SSBP3: variants seen among roughly 807,000 people sequenced by gnomAD.
SSBP3 encodes single stranded DNA binding protein 3.
SSBP3 carries 5 observed loss-of-function variants against 69.6 expected under a neutral mutation model. The ratio of observed to expected loss-of-function variants is 0.07; its 90% confidence interval spans 0.04 to 0.15. The LOEUF is 0.15. Among genes scored for constraint, SSBP3 ranks in the 10% least tolerant of loss-of-function variants. SSBP3 has a pLI of 1.00. For synonymous variants in SSBP3, 196 were observed against 193.4 expected (o/e 1.01, Z -0.11); for missense variants, 312 against 534.0 (o/e 0.58, Z 4.10).
At chr1:54,229,777 G>A (rs997346048) in intron 14 of SSBP3, among the ~76,000 whole-genome samples, 2 of 152,154 alleles carry the variant, frequency 1.3e-5, no homozygotes, top group African/African-American at 4.8e-5. Context: ...TGGAATGGAG[G>A]GCTGTTTGGC....
At chr1:54,363,073 G>A (rs1433920851) in intron 4 of SSBP3, among the ~76,000 whole-genome samples, 1 of 152,096 alleles carries the variant, frequency 6.6e-6, no homozygotes, top group Non-Finnish European at 1.5e-5. Context: ...TGGATAGAAT[G>A]CTGTCTAGAG....
Position 54,405,943 on chromosome 1 carries a change from T to C in SSBP3, c.56+10A>G, listed in dbSNP as rs1266993329. 28 of 1,299,880 alleles carry C rather than the reference T, an allele frequency of 2.2e-5. No individual in the cohort carries two copies. The highest frequency in any genetic ancestry group is 3.4e-5 in the African/African-American group (2 of 59,658). 80.5% of individuals were successfully genotyped at this position (1,299,880 alleles called of 1,614,324 possible). Reference sequence around the variant, plus strand: ...GGCGGCGCGGCCGCCACTTGCAAAATAGGGCTTACTTTTCCCGAGCCTGCC... The same window carrying C: ...GGCGGCGCGGCCGCCACTTGCAAAACAGGGCTTACTTTTCCCGAGCCTGCC... On this transcript the variant is annotated intron_variant, in intron 1 of 17. Transcript: ENST00000610401.
chr1:54,290,367 G>A (rs541994442), intron 4 of SSBP3, among the ~76,000 whole-genome samples: 14 of 152,304 alleles, frequency 9.2e-5, no homozygotes, highest in South Asian at 2.1e-4. Flanking sequence ...AGCAACCGGC[G>A]GCCCAGAGCC....
In SSBP3 at chr1:54,365,349, C is replaced by CGTGT. The variant is rs151153722; in HGVS notation, c.276+36508_276+36511dup. On this transcript the variant is annotated intron_variant, in intron 4 of 17. Transcript: ENST00000610401. ...ACCTGGTTCCCTGAAGAAAGGTGTG[C>CGTGT]GTGTGTGTGTGTGTGTTGGAAGGCT... Among the ~76,000 whole-genome samples, 821 of 151,282 alleles carry CGTGT rather than the reference C, an allele frequency of 5.4e-3. 9 individuals are homozygous for CGTGT. Among genetic ancestry groups the CGTGT allele is most frequent in the African/African-American group, 0.019 (786 of 41,294 alleles).
chr1:54,408,658 T>C (rs149024993), upstream of SSBP3, among the ~76,000 whole-genome samples: 227 of 152,352 alleles, frequency 1.5e-3, no homozygotes, highest in African/African-American at 5.3e-3. Flanking sequence ...ACCTGTCAAA[T>C]GGCAAAGGGA....
intron 10 of SSBP3, 79 bp downstream of exon 10, chr1:54,243,156 C>G (rs1477646124): frequency 7.5e-7 from 1 of 1,328,314 alleles, no homozygotes; most frequent in Non-Finnish European, 1.1e-6. Flanking sequence ...GACCCCTTAT[C>G]ATGAGTCTCC....
At chr1:54,404,704 C>T (rs1306597113) in intron 2 of SSBP3, 67 bp from the exon 3 acceptor site, 2 of 1,579,518 alleles carry the variant, frequency 1.3e-6, no homozygotes, top group Non-Finnish European at 8.7e-7. Context: ...CTTCCCAGAG[C>T]CAAAAGGCTA....
intron 4 of SSBP3, among the ~76,000 whole-genome samples, chr1:54,335,074 AACT>A (rs1396386757): frequency 7.2e-5 from 11 of 152,278 alleles, no homozygotes; most frequent in African/African-American, 1.2e-4. Flanking sequence ...AGGCTCTCAG[AACT>A]AAGGTGACAG....
intron 14 of SSBP3, among the ~76,000 whole-genome samples, chr1:54,229,903 CA>C (rs560218683): frequency 1.8e-4 from 28 of 152,316 alleles, no homozygotes; most frequent in African/African-American, 6.5e-4. Context: ...TGCTGACTTC[CA>C]AAGACAGCTG....
chr1:54,236,820 C>T (rs1285002601), intron 14 of SSBP3: 1 of 152,146 alleles, frequency 6.6e-6, no homozygotes, highest in Non-Finnish European at 1.5e-5. Context: ...AAAGGTGACC[C>T]AAAACTTTCA....
intron 4 of SSBP3, among the ~76,000 whole-genome samples, chr1:54,383,913 C>T: frequency 6.6e-6 from 1 of 152,026 alleles, no homozygotes; most frequent in East Asian, 1.9e-4. Flanking sequence ...GAGACCATCC[C>T]AGCTAACACA....
At chr1:54,357,759 T>C (rs1171376962) in intron 4 of SSBP3, among the ~76,000 whole-genome samples, 2 of 152,260 alleles carry the variant, frequency 1.3e-5, no homozygotes, top group Admixed American at 6.5e-5. Flanking sequence ...GAAGTCCTAA[T>C]GTCTTCTTTG....
chr1:54,347,589 A>G (rs1036411219), intron 4 of SSBP3, among the ~76,000 whole-genome samples: 2 of 152,244 alleles, frequency 1.3e-5, no homozygotes, highest in African/African-American at 4.8e-5. Context: ...TGGAAGGCCG[A>G]TTCTACATCC....
chr1:54,268,234 C>A (rs1167207388), intron 5 of SSBP3, among the ~76,000 whole-genome samples: 1 of 152,266 alleles, frequency 6.6e-6, no homozygotes, highest in Non-Finnish European at 1.5e-5. Flanking sequence ...ATCCTCTCCC[C>A]CCAGAACAGA....
At chr1:54,372,826 C>T (rs1401075113) in intron 4 of SSBP3, among the ~76,000 whole-genome samples, 1 of 152,204 alleles carries the variant, frequency 6.6e-6, no homozygotes, top group Non-Finnish European at 1.5e-5. Context: ...AGGGGCCAGG[C>T]AATTAACCCA....
intron 9 of SSBP3, among the ~76,000 whole-genome samples, chr1:54,243,751 C>T (rs1056342294): frequency 1.3e-5 from 2 of 152,106 alleles, no homozygotes; most frequent in Admixed American, 6.5e-5. Flanking sequence ...GAAGCCTGCC[C>T]GAGGCTGGTG....
intron 4 of SSBP3, among the ~76,000 whole-genome samples, chr1:54,361,143 G>A (rs1208449403): frequency 6.6e-6 from 1 of 152,104 alleles, no homozygotes; most frequent in African/African-American, 2.4e-5. Context: ...CATAGAGAGT[G>A]AGCCTCCACA....
At chr1:54,266,875 T>C (rs1645111564) in intron 5 of SSBP3, among the ~76,000 whole-genome samples, 2 of 152,148 alleles carry the variant, frequency 1.3e-5, no homozygotes, top group Admixed American at 1.3e-4. Flanking sequence ...CCGAATACAG[T>C]GATAGTGCAT....
intron 4 of SSBP3, among the ~76,000 whole-genome samples, chr1:54,335,250 A>G (rs1646488844): frequency 6.6e-6 from 1 of 152,242 alleles, no homozygotes; most frequent in East Asian, 1.9e-4. Context: ...AGCCCTGTTC[A>G]AGGCCTCCGC....
Sources: gnomAD v4.1 joint callset for allele counts (sites outside exome capture counted in the v4.1 genomes callset) on GRCh38, gnomAD v4.1.1 for gene constraint, MANE v1.5 for transcripts, NCBI Gene and HGNC (gene_info 2026-07-23, HGNC 2026-07-21) for gene names.